CHRM2: variants seen among roughly 807,000 people sequenced by gnomAD.
CHRM2 encodes the protein muscarinic acetylcholine receptor M2.
A neutral mutation model predicts 25.0 loss-of-function variants in CHRM2; 8 were observed. The observed-to-expected ratio is 0.32, with a 90% CI of 0.19 to 0.58. The LOEUF (loss-of-function observed/expected upper bound fraction) is 0.58, where lower values mean the gene tolerates loss of function less well. Ranked by LOEUF, CHRM2 falls within the 20% of genes least tolerant of loss-of-function variation. CHRM2 has a pLI of 0.88. For missense variants in CHRM2, 440 were observed against 567.1 expected, an observed-to-expected ratio of 0.78 and a Z score of 2.28; for synonymous variants, 202 against 205.7, an observed-to-expected ratio of 0.98 and a Z score of 0.15.
chr7:136,989,650 C>G (rs889440888), intron 2 of CHRM2, among the ~76,000 whole-genome samples: 1 of 152,086 alleles, frequency 6.6e-6, no homozygotes, highest in African/African-American at 2.4e-5. Context: ...ATTTTAAAAC[C>G]TAGCATGTCT....
chr7:136,930,927 A>AAAAAAAAAAAAAAAG (rs1290104978), intron 2 of CHRM2, among the ~76,000 whole-genome samples: 7 of 138,654 alleles, frequency 5.0e-5, no homozygotes, highest in African/African-American at 1.4e-4. Flanking sequence ...AAAAAAAAAA[A>AAAAAAAAAAAAAAAG]GGATAGAAAG....
chr7:136,884,747 G>A (rs533752066), intron 2 of CHRM2, among the ~76,000 whole-genome samples: 1 of 152,264 alleles, frequency 6.6e-6, no homozygotes, highest in East Asian at 1.9e-4. Flanking sequence ...GAGAGGACAG[G>A]GAAGTATAGG....
chr7:136,920,446 G>A (rs191324122), intron 2 of CHRM2, among the ~76,000 whole-genome samples: 2 of 152,186 alleles, frequency 1.3e-5, no homozygotes, highest in African/African-American at 4.8e-5. Context: ...GTGATGAGTG[G>A]AGCTCATCAG....
rs552393266 is a variant in CHRM2 at position 136,938,548 on chromosome 7, C to T, written c.-124-53639C>T. Reference sequence around the variant, plus strand: ...GTTGATTGACCGTGACTGCAGTGATCCCTCCCATGCCGCTGGCCCCACCAT... The same window carrying T: ...GTTGATTGACCGTGACTGCAGTGATTCCTCCCATGCCGCTGGCCCCACCAT... On this transcript the variant is annotated intron_variant, in intron 2 of 3. Transcript: ENST00000680005. 61 of 913,090 alleles carry T rather than the reference C, an allele frequency of 6.7e-5. No homozygotes were observed. In the African/African-American group the frequency reaches 9.0e-4, roughly 13 times the overall value. The allele number at this position is 913,090 out of a possible 1,614,324, so 56.6% of individuals were successfully genotyped here. A position where few individuals can be genotyped will look rare whatever the true frequency, so the allele number is the denominator to read the frequency against.
intron 2 of CHRM2, among the ~76,000 whole-genome samples, chr7:136,900,430 C>A (rs1797133624): frequency 6.6e-6 from 1 of 152,078 alleles, no homozygotes; most frequent in African/African-American, 2.4e-5. Context: ...TGAAAACTAA[C>A]AGAATGGAGC....
Position 136,958,615 on chromosome 7 carries a change from C to T in CHRM2, c.-124-33572C>T, listed in dbSNP as rs763953470. Among the ~76,000 whole-genome samples, 6 of 151,942 alleles carry T rather than the reference C, an allele frequency of 3.9e-5. No individual in the cohort carries two copies. The South Asian group carries it at 1.3e-3, about 32-fold the overall frequency. On this transcript the variant is annotated intron_variant, in intron 2 of 3. Coordinates refer to ENST00000680005, the MANE Select transcript of CHRM2 (RefSeq NM_001006630.2). ...GGGAATACAGGAGTGTGCTACCATG[C>T]CCAGGTAATTTTTGTATTTTCTATA... is the stretch of plus-strand genomic sequence containing the variant.
chr7:136,935,768 C>G (rs1262269810), intron 2 of CHRM2, among the ~76,000 whole-genome samples: 1 of 152,124 alleles, frequency 6.6e-6, no homozygotes, highest in African/African-American at 2.4e-5. Context: ...TGTTCCCATC[C>G]TCTGAGAATA....
intron 2 of CHRM2, among the ~76,000 whole-genome samples, chr7:136,900,550 G>A (rs1237611895): frequency 6.6e-6 from 1 of 151,954 alleles, no homozygotes; most frequent in Non-Finnish European, 1.5e-5. Context: ...AGCCATCTAG[G>A]AAGGAGGGGA....
rs559265564 is a variant in CHRM2, at chr7:137,009,409, A to C, written c.-46-5411A>C. Reference sequence around the variant, plus strand: ...AGATTAATTTTAAGACAATTTTTTGAATCTTAAATGTCACATATTTTCATG... The same window carrying C: ...AGATTAATTTTAAGACAATTTTTTGCATCTTAAATGTCACATATTTTCATG... On this transcript the variant is annotated intron_variant, in intron 3 of 3. Transcript: ENST00000680005. Among the ~76,000 whole-genome samples the C allele has an allele frequency of 1.2e-3, 185 of 152,136 alleles. 4 individuals carry two copies. In the South Asian group the frequency reaches 0.036, roughly 30 times the overall value.
chr7:137,014,721 T>G, intron 3 of CHRM2, 99 bp from the exon 4 acceptor site: 1 of 788,160 alleles, frequency 1.3e-6, no homozygotes, highest in Non-Finnish European at 2.1e-6. Context: ...GGAAGGGAGA[T>G]TTGGGAGAAA....
intron 2 of CHRM2, among the ~76,000 whole-genome samples, chr7:136,982,759 G>T (rs1802567873): frequency 6.6e-6 from 1 of 152,156 alleles, no homozygotes; most frequent in Non-Finnish European, 1.5e-5. Context: ...TAAGGATATT[G>T]AATATTGGCC....
chr7:136,978,347 T>C (rs1802248356), intron 2 of CHRM2, among the ~76,000 whole-genome samples: 1 of 152,242 alleles, frequency 6.6e-6, no homozygotes, highest in African/African-American at 2.4e-5. Flanking sequence ...TAGTGTATTT[T>C]TTCTACAAGA....
At chr7:136,877,719 C>T (rs1389799950) in intron 2 of CHRM2, among the ~76,000 whole-genome samples, 1 of 151,962 alleles carries the variant, frequency 6.6e-6, no homozygotes, top group Admixed American at 6.6e-5. Context: ...TATGATACCT[C>T]CTCTAGGAAT....
At chr7:136,922,256 A>T (rs992062872) in intron 2 of CHRM2, among the ~76,000 whole-genome samples, 1 of 152,212 alleles carries the variant, frequency 6.6e-6, no homozygotes, top group Non-Finnish European at 1.5e-5. Context: ...TTACTGTACA[A>T]GCATTTCCCA....
At chr7:136,988,085 G>A (rs936967222) in intron 2 of CHRM2, among the ~76,000 whole-genome samples, 1 of 150,342 alleles carries the variant, frequency 6.7e-6, no homozygotes, top group African/African-American at 2.4e-5. Context: ...AAAAATTTAT[G>A]TATGTAAATA....
chr7:136,997,160 T>G (rs560105538), intron 3 of CHRM2, among the ~76,000 whole-genome samples: 7 of 152,218 alleles, frequency 4.6e-5, no homozygotes, highest in Non-Finnish European at 8.8e-5. Context: ...TGCATTGATA[T>G]ATACAATGTA....
intron 2 of CHRM2, among the ~76,000 whole-genome samples, chr7:136,960,465 A>C (rs1246037442): frequency 6.6e-6 from 1 of 152,248 alleles, no homozygotes; most frequent in African/African-American, 2.4e-5. Flanking sequence ...ACTCATTCCC[A>C]GGTTCTCCAG....
chr7:136,929,226 T>C (rs1343305614), intron 2 of CHRM2, among the ~76,000 whole-genome samples: 1 of 152,120 alleles, frequency 6.6e-6, no homozygotes, highest in Non-Finnish European at 1.5e-5. Flanking sequence ...TTCAAACTTT[T>C]GGAACCTTCT....
chr7:137,003,514 ACACACACACACACACACACACACT>A (rs1178170983), intron 3 of CHRM2, among the ~76,000 whole-genome samples: 3 of 103,002 alleles, frequency 2.9e-5, no homozygotes, highest in African/African-American at 7.2e-5. Context: ...ACACACACAC[ACACACACACACACACACACACACT>A]AGTTAGGTGA....
Sources: allele counts gnomAD v4.1 joint callset (sites outside exome capture counted in the v4.1 genomes callset), GRCh38; gene constraint gnomAD v4.1.1; transcripts MANE v1.5; gene names NCBI Gene and HGNC (gene_info 2026-07-23, HGNC 2026-07-21).